Variants in EIF2AK4 observed in about 807,000 individuals in gnomAD.
The protein encoded by EIF2AK4 is eukaryotic translation initiation factor 2 alpha kinase 4, also known as eIF-2-alpha kinase GCN2.
A neutral mutation model predicts 211.1 loss-of-function variants in EIF2AK4; 139 were observed. That is an observed-to-expected ratio of 0.66 (90% CI 0.57 to 0.76). The LOEUF is 0.76. Ranked by LOEUF, EIF2AK4 falls within the 30% of genes least tolerant of loss-of-function variation. The pLI is 0.00. For synonymous variants in EIF2AK4, 710 were observed against 751.3 expected (o/e 0.94, Z 0.90); for missense variants, 1,664 against 2,043.8 (o/e 0.81, Z 3.58).
At chr15:40,005,025 T>C (rs1007830384) in intron 23 of EIF2AK4, among the ~76,000 whole-genome samples, 8 of 152,218 alleles carry the variant, frequency 5.3e-5, no homozygotes, top group Non-Finnish European at 1.2e-4. Context: ...GAATTTACCA[T>C]GTGCTAAACA....
intron 7 of EIF2AK4, among the ~76,000 whole-genome samples, chr15:39,962,923 T>G (rs1595550236): frequency 6.6e-6 from 1 of 152,274 alleles, no homozygotes; most frequent in Non-Finnish European, 1.5e-5. Context: ...CAATTAACTT[T>G]CATTTTCAAT....
Position 39,955,608 on chromosome 15 carries a change from T to C in EIF2AK4, c.595-12T>C, listed in dbSNP as rs1708582665. On this transcript the variant is annotated splice_polypyrimidine_tract_variant and intron_variant, in intron 5 of 38. Transcript: ENST00000263791. Reference sequence around the variant, plus strand: ...CTTACATCTAAAGTAAGTTTTACTTTTCTTGTTCTAGGAACGTTTGGAAAT... The same window carrying C: ...CTTACATCTAAAGTAAGTTTTACTTCTCTTGTTCTAGGAACGTTTGGAAAT... 6.3e-7 allele frequency: 1 copy of C among 1,594,864 alleles called. No homozygotes were observed. The highest frequency in any genetic ancestry group is 1.4e-5 in the African/African-American group (1 of 73,780).
chr15:39,973,493 G>A (rs2034651976), intron 10 of EIF2AK4, 99 bp from the exon 11 acceptor site: 2 of 1,290,176 alleles, frequency 1.6e-6, no homozygotes, highest in Non-Finnish European at 1.1e-6. Context: ...CAAACTACTG[G>A]TTGGAGCTCT....
In EIF2AK4 at chr15:39,992,802, A is replaced by G; in HGVS notation, c.2720A>G (p.Tyr907Cys). The change falls in exon 18 of 39, where the codon TAT becomes TGT. Residue 907 changes from tyrosine (Y) to cysteine (C), a missense_variant. Coordinates refer to ENST00000263791, the MANE Select transcript of EIF2AK4 (RefSeq NM_001013703.4). ...ACTGGGATGGTTGGCACTGCTCTCT[A>G]TGTAAGCCCAGAGGTCCAAGGAAGC... ...HLTGMVGTALYVSPEVQGSTK... is the reference protein window; with the variant it reads ...HLTGMVGTALCVSPEVQGSTK... 6.2e-7 allele frequency: 1 copy of G among 1,614,154 alleles called. No homozygotes were observed. The highest frequency in any genetic ancestry group is 1.1e-5 in the South Asian group (1 of 91,080).
In EIF2AK4 at chr15:40,028,790, G is replaced by T. The variant is rs1304431711; in HGVS notation, c.4503-616G>T. ...AGAGAAACCAAGAAATAGCCAAGTAGTGAGTATGGGGGAACATTACCAAGA... is the reference window on the plus strand; with the variant it reads ...AGAGAAACCAAGAAATAGCCAAGTATTGAGTATGGGGGAACATTACCAAGA... On this transcript the variant is annotated intron_variant, in intron 33 of 38. Transcript: ENST00000263791. Among the ~76,000 whole-genome samples the T allele has an allele frequency of 2.6e-5, 4 of 152,350 alleles. No individual in the cohort carries two copies. In the East Asian group the frequency reaches 7.7e-4, roughly 29 times the overall value.
chr15:39,999,000 AG>A (rs2035058449), intron 20 of EIF2AK4, among the ~76,000 whole-genome samples: 1 of 152,102 alleles, frequency 6.6e-6, no homozygotes, highest in African/African-American at 2.4e-5. Context: ...AACAAACTGC[AG>A]GGTTCTTTTG....
Position 40,017,001 on chromosome 15 carries a change from A to G in EIF2AK4, c.3931-107A>G, listed in dbSNP as rs56281526. The G allele has an allele frequency of 3.1e-3, 4,368 of 1,416,662 alleles. 14 individuals are homozygous for G. Among genetic ancestry groups the G allele is most frequent in the Non-Finnish European group, 3.9e-3 (3,967 of 1,025,992 alleles). 87.8% of individuals were successfully genotyped at this position (1,416,662 alleles called of 1,614,324 possible). ...TCTTACTGAATATTTTGTTTATGCTAAATAGATTGTTCTGATGCTATTGAT... is the reference window on the plus strand; with the variant it reads ...TCTTACTGAATATTTTGTTTATGCTGAATAGATTGTTCTGATGCTATTGAT... On this transcript the variant is annotated intron_variant, in intron 28 of 38. Coordinates refer to ENST00000263791, the MANE Select transcript of EIF2AK4 (RefSeq NM_001013703.4).
rs114677857 is a variant in EIF2AK4, at chr15:39,970,128, C to T, written c.1553+2249C>T. Among the ~76,000 whole-genome samples, 435 of 152,330 alleles carry T rather than the reference C, an allele frequency of 2.9e-3. 2 individuals carry two copies. The highest frequency in any genetic ancestry group is 0.01 in the African/African-American group (424 of 41,562). The stretch of plus-strand genomic sequence containing the variant: ...CTGAGTCAGTGCTGGTTTTCATCAC[C>T]ATCCTCAGTAGTGAGAACTATGAAG... On this transcript the variant is annotated intron_variant, in intron 9 of 38. Transcript: ENST00000263791.
chr15:39,965,567 C>A, intron 7 of EIF2AK4, 119 bp from the exon 8 acceptor site: 1 of 1,149,912 alleles, frequency 8.7e-7, no homozygotes, highest in Non-Finnish European at 1.2e-6. Flanking sequence ...GTCCTATTTT[C>A]CATAGTTAGC....
intron 33 of EIF2AK4, among the ~76,000 whole-genome samples, chr15:40,028,114 C>G (rs187618376): frequency 2.0e-5 from 3 of 150,864 alleles, no homozygotes; most frequent in African/African-American, 7.3e-5. Context: ...TCACTTTTGC[C>G]GAGGCTGAAG....
At chr15:40,017,028 G>A (rs2035311017) in intron 28 of EIF2AK4, 80 bp from the exon 29 acceptor site, 2 of 1,548,408 alleles carry the variant, frequency 1.3e-6, no homozygotes, top group Non-Finnish European at 1.8e-6. Flanking sequence ...GCTATTGATG[G>A]GAAACACCAT....
intron 23 of EIF2AK4, among the ~76,000 whole-genome samples, chr15:40,006,806 A>G (rs2035168152): frequency 6.6e-6 from 1 of 152,234 alleles, no homozygotes; most frequent in South Asian, 2.1e-4. Flanking sequence ...TATGTCTAGC[A>G]GCGGAGTCCA....
At chr15:40,022,627 TACAATTCA>T in intron 32 of EIF2AK4, 22 bp downstream of exon 32, 4 of 1,609,202 alleles carry the variant, frequency 2.5e-6, no homozygotes, top group Non-Finnish European at 3.4e-6. Flanking sequence ...AGAGATTTTT[TACAATTCA>T]ATAGTTAGGT....
chr15:40,034,578 C>T (rs1453716084), intron 38 of EIF2AK4, 134 bp downstream of exon 38: 1 of 690,070 alleles, frequency 1.4e-6, no homozygotes, highest in African/African-American at 1.8e-5. Context: ...AGCTGACAAC[C>T]AATAAATCTT....
At chr15:40,013,106 G>T (rs1009453356) in intron 27 of EIF2AK4, among the ~76,000 whole-genome samples, 11 of 152,058 alleles carry the variant, frequency 7.2e-5, no homozygotes, top group African/African-American at 2.7e-4. Flanking sequence ...TTATAGAGAA[G>T]AAATCATTTT....
At chr15:40,027,142 A>C (rs1008759434) in intron 33 of EIF2AK4, among the ~76,000 whole-genome samples, 9 of 152,250 alleles carry the variant, frequency 5.9e-5, no homozygotes, top group African/African-American at 2.2e-4. Context: ...TTTCCAAAAG[A>C]AAATTAACTT....
At chr15:39,955,476 C>A in intron 5 of EIF2AK4, 144 bp from the exon 6 acceptor site, 1 of 777,158 alleles carries the variant, frequency 1.3e-6, no homozygotes, top group Non-Finnish European at 2.0e-6. Context: ...CTATTTTAAA[C>A]GATTAAAAGT....
intron 13 of EIF2AK4, among the ~76,000 whole-genome samples, chr15:39,980,657 T>G (rs139394180): frequency 5.3e-4 from 81 of 152,322 alleles, no homozygotes; most frequent in African/African-American, 1.9e-3. Context: ...GGGGAATTAT[T>G]CTACTATTGG....
At position 40,001,200 on chromosome 15, in the gene EIF2AK4, C is replaced by T; in HGVS notation, c.3135C>T (p.Tyr1045=). 1 of 1,613,666 alleles carries T rather than the reference C, an allele frequency of 6.2e-7. No homozygotes were observed. The highest frequency in any genetic ancestry group is 8.5e-7 in the Non-Finnish European group (1 of 1,179,966). ...AGCGCATCTCCCCTGCCATCGATTACACCTATGACAGCGACATACTGAAGG... is the reference window on the plus strand; with the variant it reads ...AGCGCATCTCCCCTGCCATCGATTATACCTATGACAGCGACATACTGAAGG... ...FSQRISPAID[Y]TYDSDILKGN... The change falls in exon 21 of 39, where the codon TAC becomes TAT. Residue 1045 remains tyrosine (Y), a synonymous_variant. Coordinates refer to ENST00000263791, the MANE Select transcript of EIF2AK4 (RefSeq NM_001013703.4).
Sources: allele counts gnomAD v4.1 joint callset (sites outside exome capture counted in the v4.1 genomes callset), GRCh38; gene constraint gnomAD v4.1.1; transcripts MANE v1.5; gene names NCBI Gene and HGNC (gene_info 2026-07-23, HGNC 2026-07-21).